The following POMGNT2 variants were observed in gnomAD, a reference collection of about 807,000 sequenced individuals.
The protein encoded by POMGNT2 is protein O-linked-mannose beta-1,4-N-acetylglucosaminyltransferase 2.
A neutral mutation model predicts 37.8 loss-of-function variants in POMGNT2; 32 were observed. The observed-to-expected ratio is 0.85, with a 90% CI of 0.64 to 1.14. The LOEUF (loss-of-function observed/expected upper bound fraction) is 1.14. Among genes scored for constraint, POMGNT2 ranks in the 50% most tolerant of loss-of-function variants. POMGNT2 has a pLI of 0.00. For missense variants in POMGNT2, 705 were observed against 780.6 expected (o/e 0.90, Z 1.15); for synonymous variants, 340 against 336.8 (o/e 1.01, Z -0.10).
chr3:43,102,413 G>A (rs2090026045), intron 1 of POMGNT2, among the ~76,000 whole-genome samples: 1 of 152,240 alleles, frequency 6.6e-6, no homozygotes, highest in African/African-American at 2.4e-5. Flanking sequence ...CACTGGCAGA[G>A]TGAAAGATCT....
chr3:43,099,851 C>G (rs540482670), intron 1 of POMGNT2, among the ~76,000 whole-genome samples: 1 of 152,182 alleles, frequency 6.6e-6, no homozygotes, highest in South Asian at 2.1e-4. Flanking sequence ...CCTCCCTTTC[C>G]TAATAATAAT....
At chr3:43,089,623 G>A (rs985122731) in intron 1 of POMGNT2, among the ~76,000 whole-genome samples, 1 of 152,196 alleles carries the variant, frequency 6.6e-6, no homozygotes, top group Non-Finnish European at 1.5e-5. Flanking sequence ...AGGAGAGCCT[G>A]AGTGTTAGAA....
chr3:43,101,299 T>C (rs1046620215), intron 1 of POMGNT2, among the ~76,000 whole-genome samples: 2 of 152,088 alleles, frequency 1.3e-5, no homozygotes, highest in Non-Finnish European at 2.9e-5. Context: ...GCATGGTCAG[T>C]TGGAGGAAGA....
At chr3:43,083,817 G>A (rs965176836) in intron 1 of POMGNT2, among the ~76,000 whole-genome samples, 15 of 152,078 alleles carry the variant, frequency 9.9e-5, no homozygotes, top group African/African-American at 3.4e-4. Context: ...CTTTATGTTC[G>A]TCCCTCATTC....
Position 43,089,647 on chromosome 3 carries a change from A to G in POMGNT2, c.-105-8111T>C, listed in dbSNP as rs2089926871. Among the ~76,000 whole-genome samples the G allele has an allele frequency of 2.6e-5, 4 of 152,146 alleles. 1 individual carries two copies. The South Asian group carries it at 8.3e-4, about 32-fold the overall frequency. On this transcript the variant is annotated intron_variant, in intron 1 of 1. Coordinates refer to ENST00000344697, the MANE Select transcript of POMGNT2 (RefSeq NM_032806.6). ...TGAGTGTTAGAATGGGGGGCCTAGA[A>G]GGGAGCGCACAGAGGAAGCTGGTGG...
chr3:43,088,447 T>C (rs1203850090), intron 1 of POMGNT2, among the ~76,000 whole-genome samples: 1 of 152,206 alleles, frequency 6.6e-6, no homozygotes, highest in Admixed American at 6.5e-5. Context: ...TGGACACTGT[T>C]GCTTCCCCCA....
In POMGNT2 at chr3:43,080,692, A is replaced by T; in HGVS notation, c.740T>A (p.Phe247Tyr). Reference protein sequence around the residue: ...SKITTWYQYGFVQPQGPKANI... With the variant: ...SKITTWYQYGYVQPQGPKANI... ...GGCCTTCGGGCCCTGGGGCTGCACA[A>T]AGCCATACTGGTACCAGGTAGTGAT... The change falls in exon 2 of 2, where the codon TTT becomes TAT. Residue 247 changes from phenylalanine to tyrosine, a missense_variant. Transcript: ENST00000344697. 1 of 1,614,170 alleles carries T rather than the reference A, an allele frequency of 6.2e-7. No individual in the cohort carries two copies. The highest frequency in any genetic ancestry group is 8.5e-7 in the Non-Finnish European group (1 of 1,180,032).
intron 1 of POMGNT2, among the ~76,000 whole-genome samples, chr3:43,090,928 A>G (rs1434852398): frequency 6.6e-6 from 1 of 152,224 alleles, no homozygotes; most frequent in Non-Finnish European, 1.5e-5. Context: ...TGTAAGAGGA[A>G]CTATGTCAAG....
chr3:43,091,922 T>C (rs1006448821), intron 1 of POMGNT2, among the ~76,000 whole-genome samples: 5 of 152,210 alleles, frequency 3.3e-5, no homozygotes, highest in Non-Finnish European at 2.9e-5. Flanking sequence ...ATTTAAGGGA[T>C]GTTCTACCAA....
At position 43,105,960 on chromosome 3, in the gene POMGNT2, G is replaced by A. The variant is rs532206303; in HGVS notation, c.-230C>T. ...AGCTTCTGGCCCAGGAGGCCCAGAA[G>A]GCCCAGGCAGCCAGCACAGGTTTGG... On this transcript the variant is annotated 5_prime_UTR_variant, in exon 1 of 2. Transcript: ENST00000344697. 1 of 151,922 alleles carries A rather than the reference G, an allele frequency of 6.6e-6. No individual in the cohort carries two copies. The highest frequency in any genetic ancestry group is 2.4e-5 in the African/African-American group (1 of 41,432). The allele number at this position is 151,922 out of a possible 1,614,324, so 9.4% of individuals were successfully genotyped here.
chr3:43,084,655 A>G (rs1430079816), intron 1 of POMGNT2, among the ~76,000 whole-genome samples: 1 of 152,060 alleles, frequency 6.6e-6, no homozygotes, highest in Non-Finnish European at 1.5e-5. Context: ...TCTCAAAAAA[A>G]AAAAAAAAAA....
intron 1 of POMGNT2, among the ~76,000 whole-genome samples, chr3:43,081,839 G>A (rs2089859023): frequency 6.6e-6 from 1 of 152,242 alleles, no homozygotes; most frequent in Non-Finnish European, 1.5e-5. Flanking sequence ...TTTGGAAAGT[G>A]TTTGGGCTGG....
intron 1 of POMGNT2, chr3:43,090,387 C>T: frequency 6.6e-6 from 1 of 152,254 alleles, no homozygotes; most frequent in Middle Eastern, 3.2e-3. Flanking sequence ...ATTCTCCATA[C>T]AACCCCACCA....
intron 1 of POMGNT2, among the ~76,000 whole-genome samples, chr3:43,101,824 T>C (rs1481570356): frequency 1.3e-5 from 2 of 152,028 alleles, no homozygotes; most frequent in African/African-American, 4.8e-5. Context: ...TCTGGGACAA[T>C]CTGAGAAGTC....
chr3:43,089,889 A>G (rs1435750723), intron 1 of POMGNT2, among the ~76,000 whole-genome samples: 2 of 152,124 alleles, frequency 1.3e-5, no homozygotes, highest in African/African-American at 4.8e-5. Context: ...AGGAGAATAT[A>G]GTGGGGCCCT....
chr3:43,083,212 A>G (rs2089869910), intron 1 of POMGNT2, among the ~76,000 whole-genome samples: 2 of 152,058 alleles, frequency 1.3e-5, no homozygotes, highest in Non-Finnish European at 2.9e-5. Context: ...AGTACACTGT[A>G]TTCTAAGTTC....
chr3:43,093,772 G>GT (rs1417593709), intron 1 of POMGNT2, among the ~76,000 whole-genome samples: 1 of 152,122 alleles, frequency 6.6e-6, no homozygotes, highest in African/African-American at 2.4e-5. Flanking sequence ...GGTAACAAGC[G>GT]TGACACACAT....
intron 1 of POMGNT2, among the ~76,000 whole-genome samples, chr3:43,085,081 G>T (rs78882198): frequency 1.1e-4 from 16 of 152,044 alleles, no homozygotes; most frequent in African/African-American, 3.6e-4. Flanking sequence ...TGGCTGGGAG[G>T]GGGAGGGATA....
chr3:43,085,024 G>A (rs1002036909), intron 1 of POMGNT2, among the ~76,000 whole-genome samples: 5 of 152,014 alleles, frequency 3.3e-5, no homozygotes, highest in East Asian at 1.9e-4. Flanking sequence ...ACTGTTGGGC[G>A]GGGGTGGGCA....
Sources: allele counts gnomAD v4.1 joint callset (sites outside exome capture counted in the v4.1 genomes callset), GRCh38; gene constraint gnomAD v4.1.1; transcripts MANE v1.5; gene names NCBI Gene and HGNC (gene_info 2026-07-23, HGNC 2026-07-21).